Variants in SOX5 observed in about 807,000 individuals in gnomAD.
SOX5 encodes transcription factor SOX-5.
In SOX5, 9 loss-of-function variants were observed where a neutral mutation model predicts 92.0. The ratio of observed to expected loss-of-function variants is 0.10; its 90% confidence interval spans 0.06 to 0.17. SOX5 has a LOEUF of 0.17. Ranked by LOEUF, SOX5 falls within the 10% of genes least tolerant of loss-of-function variation. SOX5 has a pLI of 1.00. For missense variants in SOX5, 642 were observed against 944.5 expected (o/e 0.68, Z 4.20); for synonymous variants, 344 against 336.3 (o/e 1.02, Z -0.25).
chr12:24,087,050 A>G (rs1302971462), intron 4 of SOX5, among the ~76,000 whole-genome samples: 3 of 152,060 alleles, frequency 2.0e-5, no homozygotes, highest in Non-Finnish European at 2.9e-5. Context: ...ATTTAAATAT[A>G]TGTTTAATTA....
intron 1 of SOX5, among the ~76,000 whole-genome samples, chr12:24,454,469 GC>G (rs1282789665): frequency 1.3e-5 from 2 of 152,022 alleles, no homozygotes; most frequent in Non-Finnish European, 2.9e-5. Context: ...TCTGGTCTCT[GC>G]CTCACAGATA....
At chr12:24,126,832 T>C (rs1156356173) in intron 4 of SOX5, among the ~76,000 whole-genome samples, 1 of 151,942 alleles carries the variant, frequency 6.6e-6, no homozygotes. Context: ...CTGAACATGA[T>C]GGGGGTCATC....
intron 4 of SOX5, among the ~76,000 whole-genome samples, chr12:24,160,764 G>A (rs1250591894): frequency 1.3e-5 from 2 of 151,928 alleles, no homozygotes; most frequent in Non-Finnish European, 2.9e-5. Context: ...ACATCAACCT[G>A]CATGAGAAGA....
chr12:24,069,186 T>G (rs1246572683), intron 4 of SOX5, among the ~76,000 whole-genome samples: 2 of 152,104 alleles, frequency 1.3e-5, no homozygotes, highest in Non-Finnish European at 2.9e-5. Context: ...TAAGTGACAA[T>G]GATTTGTGAG....
chr12:23,804,962 T>C (rs1483911855), intron 3 of SOX5, among the ~76,000 whole-genome samples: 1 of 7,082 alleles, frequency 1.4e-4, no homozygotes, highest in Non-Finnish European at 4.3e-4. Flanking sequence ...TATATATATA[T>C]ATATATTCCT....
intron 1 of SOX5, among the ~76,000 whole-genome samples, chr12:24,551,849 C>T (rs1597866006): frequency 6.6e-6 from 1 of 152,222 alleles, no homozygotes; most frequent in Non-Finnish European, 1.5e-5. Context: ...CATAATCAAA[C>T]TCTTCTAGTC....
At chr12:24,200,480 G>C (rs1211002086) in intron 4 of SOX5, among the ~76,000 whole-genome samples, 14 of 151,670 alleles carry the variant, frequency 9.2e-5, no homozygotes, top group Non-Finnish European at 2.1e-4. Flanking sequence ...GATTGTAATA[G>C]TAAAGTGTTA....
intron 3 of SOX5, among the ~76,000 whole-genome samples, chr12:24,266,772 C>A (rs1440649112): frequency 6.6e-6 from 1 of 152,132 alleles, no homozygotes; most frequent in Admixed American, 6.6e-5. Flanking sequence ...TAATGTACTG[C>A]AAATATATTT....
chr12:23,683,989 A>G (rs944528210), intron 6 of SOX5, among the ~76,000 whole-genome samples: 8 of 152,022 alleles, frequency 5.3e-5, no homozygotes, highest in Non-Finnish European at 1.0e-4. Flanking sequence ...ATGTCGAGAG[A>G]CACATACATG....
Position 24,442,948 on chromosome 12 carries a change from ATTTT to A in SOX5, c.-250-74313_-250-74310del, listed in dbSNP as rs3983413. On this transcript the variant is annotated intron_variant, in intron 1 of 4. Transcript: ENST00000446891. ...TGAGCTTTGTAAATTTAAGTTTATA[ATTTT>A]TTTTTTTTTTTTTTTTTTGAGATGG... 7.9e-3 allele frequency among the ~76,000 whole-genome samples: 873 copies of A among 109,940 alleles called. 7 individuals carry two copies. The highest frequency in any genetic ancestry group is 0.029 in the African/African-American group (816 of 27,998). 72.1% of individuals were successfully genotyped at this position (109,940 alleles called of 152,430 possible). A position where few individuals can be genotyped will look rare whatever the true frequency, so the allele number is the denominator to read the frequency against.
intron 1 of SOX5, among the ~76,000 whole-genome samples, chr12:24,553,547 C>G (rs1357069918): frequency 6.6e-6 from 1 of 152,220 alleles, no homozygotes; most frequent in Non-Finnish European, 1.5e-5. Context: ...TGTGATTCTG[C>G]TAGGACTACA....
chr12:23,678,012 G>A (rs2085987796), intron 6 of SOX5, among the ~76,000 whole-genome samples: 1 of 152,084 alleles, frequency 6.6e-6, no homozygotes, highest in African/African-American at 2.4e-5. Context: ...TGAGATGCTT[G>A]TCTAACTATA....
chr12:23,803,743 A>C (rs1192443308), intron 3 of SOX5, among the ~76,000 whole-genome samples: 1 of 152,256 alleles, frequency 6.6e-6, no homozygotes, highest in African/African-American at 2.4e-5. Flanking sequence ...TAAGCACAAA[A>C]AAAATGAGCA....
intron 4 of SOX5, among the ~76,000 whole-genome samples, chr12:24,171,744 T>C (rs984700663): frequency 1.1e-4 from 17 of 151,964 alleles, no homozygotes; most frequent in African/African-American, 4.1e-4. Context: ...ATGCCTGTAA[T>C]CTCAGCACAT....
chr12:24,330,157 A>AG (rs1430737274), intron 2 of SOX5, among the ~76,000 whole-genome samples: 1 of 151,268 alleles, frequency 6.6e-6, no homozygotes, highest in Non-Finnish European at 1.5e-5. Context: ...AAAAAAGAAG[A>AG]GAAAAAGGGA....
intron 3 of SOX5, among the ~76,000 whole-genome samples, chr12:23,775,510 A>C (rs1594299791): frequency 6.6e-6 from 1 of 152,266 alleles, no homozygotes; most frequent in Non-Finnish European, 1.5e-5. Flanking sequence ...AACTGAGTGC[A>C]TATAATGCAA....
chr12:24,413,663 T>C (rs566055169), intron 1 of SOX5, among the ~76,000 whole-genome samples: 1 of 152,212 alleles, frequency 6.6e-6, no homozygotes, highest in Non-Finnish European at 1.5e-5. Flanking sequence ...ACCAGGACAC[T>C]AGGGTTTCAA....
At chr12:24,046,080 T>C (rs962105775) in intron 4 of SOX5, among the ~76,000 whole-genome samples, 8 of 152,216 alleles carry the variant, frequency 5.3e-5, no homozygotes, top group Admixed American at 3.3e-4. Flanking sequence ...ATTTATTTTA[T>C]CTGGCTTGAA....
chr12:23,880,153 C>T (rs2096971922), intron 2 of SOX5, among the ~76,000 whole-genome samples: 1 of 152,132 alleles, frequency 6.6e-6, no homozygotes. Context: ...GCTGTGGACA[C>T]TCTCCCAAGA....
Sources: gnomAD v4.1 joint callset for allele counts (sites outside exome capture counted in the v4.1 genomes callset) on GRCh38, gnomAD v4.1.1 for gene constraint, MANE v1.5 for transcripts, NCBI Gene and HGNC (gene_info 2026-07-23, HGNC 2026-07-21) for gene names.